Variants in ADGRG7 observed in about 807,000 individuals in gnomAD.
ADGRG7 encodes adhesion G protein-coupled receptor G7, also known as G-protein coupled receptor 128.
A neutral mutation model predicts 88.6 loss-of-function variants in ADGRG7; 82 were observed. The observed-to-expected ratio is 0.93, with a 90% CI of 0.77 to 1.11. The LOEUF is 1.11. Among genes scored for constraint, ADGRG7 ranks in the 50% most tolerant of loss-of-function variants. The pLI is 0.00. For synonymous variants in ADGRG7, 381 were observed against 345.2 expected (o/e 1.10, Z -1.15); for missense variants, 945 against 953.4 (o/e 0.99, Z 0.12).
chr3:100,648,329 C>T (rs1351802866), intron 10 of ADGRG7, among the ~76,000 whole-genome samples: 6 of 71,316 alleles, frequency 8.4e-5, no homozygotes, highest in Non-Finnish European at 1.7e-4. Flanking sequence ...AAGAGCAAAT[C>T]GGCTCTGAGT....
chr3:100,675,554 CT>C (rs1176241131), intron 15 of ADGRG7, among the ~76,000 whole-genome samples: 3 of 151,642 alleles, frequency 2.0e-5, no homozygotes, highest in Non-Finnish European at 4.4e-5. Flanking sequence ...CCTGTAGTTT[CT>C]TTCTTTCTTT....
chr3:100,654,708 A>C lies in ADGRG7; in HGVS notation c.1380-127A>C, dbSNP rs114118840. 4.2e-3 allele frequency: 2,513 copies of C among 600,008 alleles called. 11 individuals are homozygous for C. Among genetic ancestry groups the C allele is most frequent in the Non-Finnish European group, 5.1e-3 (1,748 of 343,804 alleles). 37.2% of individuals were successfully genotyped at this position (600,008 alleles called of 1,614,324 possible). ...AGAAGGTAGATTTACCAGCTGTCAC[A>C]ACTGGGCTATGAACTGAACTTACAT... is the stretch of plus-strand genomic sequence containing the variant. On this transcript the variant is annotated intron_variant, in intron 11 of 15. Coordinates refer to ENST00000273352, the MANE Select transcript of ADGRG7 (RefSeq NM_032787.3).
At chr3:100,653,788 T>A (rs541492838) in intron 11 of ADGRG7, among the ~76,000 whole-genome samples, 1 of 151,990 alleles carries the variant, frequency 6.6e-6, no homozygotes, top group East Asian at 1.9e-4. Context: ...AGGACTTTCA[T>A]GCAATTTTTT....
intron 15 of ADGRG7, among the ~76,000 whole-genome samples, chr3:100,681,537 C>T (rs1470226625): frequency 6.6e-6 from 1 of 152,086 alleles, no homozygotes; most frequent in Non-Finnish European, 1.5e-5. Flanking sequence ...TCTTGAACTC[C>T]TGACCTCAAG....
At position 100,612,440 on chromosome 3, in the gene ADGRG7, A is replaced by G. The variant is rs1707167140; in HGVS notation, c.115+2469A>G. 2.6e-5 allele frequency among the ~76,000 whole-genome samples: 4 copies of G among 152,326 alleles called. No homozygotes were observed. The South Asian group carries it at 8.3e-4, about 32-fold the overall frequency. On this transcript the variant is annotated intron_variant, in intron 1 of 15. Transcript: ENST00000273352. ...AGCCTTTTCACATTGGGCATTCTTCATAGAAAAACACAAGAAGCAGTATAG... is the reference window on the plus strand; with the variant it reads ...AGCCTTTTCACATTGGGCATTCTTCGTAGAAAAACACAAGAAGCAGTATAG...
intron 5 of ADGRG7, among the ~76,000 whole-genome samples, chr3:100,636,163 A>T (rs1442935338): frequency 1.3e-5 from 2 of 152,170 alleles, no homozygotes; most frequent in African/African-American, 2.4e-5. Context: ...CAGGGGTTCA[A>T]GTGATTCTCA....
At chr3:100,674,280 T>G (rs964569711) in intron 15 of ADGRG7, among the ~76,000 whole-genome samples, 1 of 152,236 alleles carries the variant, frequency 6.6e-6, no homozygotes, top group Non-Finnish European at 1.5e-5. Context: ...CTAGGTCTTT[T>G]GTGGTTCCAT....
In ADGRG7 at chr3:100,684,257, C is replaced by CTATCTATTTATT. The variant is rs146037474; in HGVS notation, c.2137-10484_2137-10483insCTATTTATTTAT. ...TTTTCTCATAGTTTTTCCATTTTAT[C>CTATCTATTTATT]TATTTATTTATTTATTTATTTATTG... On this transcript the variant is annotated intron_variant, in intron 15 of 15. Transcript: ENST00000273352. Among the ~76,000 whole-genome samples the CTATCTATTTATT allele has an allele frequency of 4.0e-3, 588 of 145,334 alleles. 6 individuals carry two copies. The highest frequency in any genetic ancestry group is 0.014 in the African/African-American group (566 of 39,316).
chr3:100,679,249 T>C (rs2094969673), intron 15 of ADGRG7, among the ~76,000 whole-genome samples: 1 of 152,188 alleles, frequency 6.6e-6, no homozygotes, highest in Non-Finnish European at 1.5e-5. Flanking sequence ...CTACCACCAC[T>C]TCAGGCCTGT....
chr3:100,646,225 A>T, intron 9 of ADGRG7, 117 bp downstream of exon 9: 1 of 123,520 alleles, frequency 8.1e-6, no homozygotes. Context: ...GGCGGGGGGG[A>T]GGGTTTTCCA....
In ADGRG7 at chr3:100,635,874, G is replaced by A. The variant is rs764309882; in HGVS notation, c.597+48G>A. 8 of 1,379,152 alleles carry A rather than the reference G, an allele frequency of 5.8e-6. No individual in the cohort carries two copies. In the East Asian group the frequency reaches 1.7e-4, roughly 30 times the overall value. The allele number at this position is 1,379,152 out of a possible 1,614,324, so 85.4% of individuals were successfully genotyped here. A position where few individuals can be genotyped will look rare whatever the true frequency, so the allele number is the denominator to read the frequency against. ...AAAAATTTTTTTTTTATTTTTAGAG[G>A]GGGTGTTGGGAAAGAAAGAGAGATG... On this transcript the variant is annotated intron_variant, in intron 5 of 15. Transcript: ENST00000273352.
chr3:100,669,214 C>A, intron 15 of ADGRG7, 109 bp downstream of exon 15: 2 of 800,764 alleles, frequency 2.5e-6, no homozygotes, highest in Non-Finnish European at 1.8e-6. Flanking sequence ...AGGCCAGGCG[C>A]GGTGGCTCAC....
chr3:100,668,921 A>G (rs2094954831), intron 14 of ADGRG7, 28 bp from the exon 15 acceptor site: 1 of 1,544,172 alleles, frequency 6.5e-7, no homozygotes, highest in South Asian at 1.3e-5. Flanking sequence ...AATGAACCAC[A>G]TTATTTTTCT....
chr3:100,619,571 A>G (rs1707278103), intron 1 of ADGRG7, among the ~76,000 whole-genome samples: 1 of 152,230 alleles, frequency 6.6e-6, no homozygotes, highest in South Asian at 2.1e-4. Flanking sequence ...GCAGAACTGA[A>G]GGAAATAAAG....
chr3:100,693,869 AG>A (rs777809522), intron 15 of ADGRG7, among the ~76,000 whole-genome samples: 5 of 152,224 alleles, frequency 3.3e-5, no homozygotes, highest in Non-Finnish European at 5.9e-5. Context: ...ATATTAATAA[AG>A]AATTAACAGC....
intron 3 of ADGRG7, among the ~76,000 whole-genome samples, 189 bp downstream of exon 3, chr3:100,630,998 A>G (rs1707453226): frequency 6.6e-6 from 1 of 152,164 alleles, no homozygotes; most frequent in South Asian, 2.1e-4. Flanking sequence ...AAATTTCCCA[A>G]CAGTTTCATA....
At chr3:100,618,244 G>A (rs1219939941) in intron 1 of ADGRG7, among the ~76,000 whole-genome samples, 1 of 151,990 alleles carries the variant, frequency 6.6e-6, no homozygotes, top group Non-Finnish European at 1.5e-5. Flanking sequence ...GTCAATTTTG[G>A]CTTTTGCTGC....
chr3:100,611,534 T>A (rs993566084), intron 1 of ADGRG7, among the ~76,000 whole-genome samples: 1 of 152,046 alleles, frequency 6.6e-6, no homozygotes, highest in Non-Finnish European at 1.5e-5. Context: ...TGAAAATAAA[T>A]ACAAAATATA....
intron 1 of ADGRG7, among the ~76,000 whole-genome samples, chr3:100,626,780 G>C (rs956509751): frequency 6.6e-6 from 1 of 151,872 alleles, no homozygotes. Context: ...GCAAGACTCC[G>C]TCAAAAGAAA....
Sources: gnomAD v4.1 joint callset for allele counts (sites outside exome capture counted in the v4.1 genomes callset) on GRCh38, gnomAD v4.1.1 for gene constraint, MANE v1.5 for transcripts, NCBI Gene and HGNC (gene_info 2026-07-23, HGNC 2026-07-21) for gene names.